The following ENPP4 variants were observed in gnomAD, a reference collection of about 807,000 sequenced individuals.
The protein encoded by ENPP4 is bis(5'-adenosyl)-triphosphatase ENPP4.
A neutral mutation model predicts 33.4 loss-of-function variants in ENPP4; 18 were observed. That is an observed-to-expected ratio of 0.54 (90% CI 0.37 to 0.80). The LOEUF is 0.80. Among genes scored for constraint, ENPP4 ranks in the 30% least tolerant of loss-of-function variants. The pLI is 0.00. For synonymous variants in ENPP4, 172 were observed against 189.9 expected, an observed-to-expected ratio of 0.91 and a Z score of 0.78; for missense variants, 480 against 541.7, an observed-to-expected ratio of 0.89 and a Z score of 1.13.
intron 1 of ENPP4, among the ~76,000 whole-genome samples, chr6:46,138,414 CTA>C (rs1387611993): frequency 2.0e-5 from 3 of 151,854 alleles, no homozygotes; most frequent in African/African-American, 7.2e-5. Context: ...AACTGTGTCA[CTA>C]TGAAAATTCA....
chr6:46,138,349 G>C (rs920518301), intron 1 of ENPP4, among the ~76,000 whole-genome samples: 1 of 151,818 alleles, frequency 6.6e-6, no homozygotes, highest in African/African-American at 2.4e-5. Flanking sequence ...AGGATCAGCT[G>C]CCTGTTTTGT....
chr6:46,137,014 G>A (rs1763986966), intron 1 of ENPP4, among the ~76,000 whole-genome samples: 1 of 151,878 alleles, frequency 6.6e-6, no homozygotes, highest in South Asian at 2.1e-4. Context: ...TACGAAGATA[G>A]AATTGACTAG....
At chr6:46,134,941 C>A (rs1763957068) in intron 1 of ENPP4, among the ~76,000 whole-genome samples, 1 of 151,896 alleles carries the variant, frequency 6.6e-6, no homozygotes, top group Non-Finnish European at 1.5e-5. Context: ...TAAATGGAAT[C>A]ATATAATAAG....
In ENPP4 at chr6:46,139,868, T is replaced by C. The variant is rs1039177925; in HGVS notation, c.285T>C (p.Asp95=). 2 of 1,612,670 alleles carry C rather than the reference T, an allele frequency of 1.2e-6. No individual in the cohort carries two copies. Among genetic ancestry groups the C allele is most frequent in the East Asian group, 2.2e-5 (1 of 44,874 alleles). ...GCATTGTGGCTAATTCCATGTATGA[T>C]GCAGTCACAAAGAAACACTTTTCTG... The part of the protein sequence containing the change: ...SHGIVANSMY[D]AVTKKHFSDS... The change falls in exon 2 of 4, where the codon GAT becomes GAC. Residue 95 remains aspartate, a synonymous_variant. Coordinates refer to ENST00000321037, the MANE Select transcript of ENPP4 (RefSeq NM_014936.5).
chr6:46,141,915 G>T (rs1045456361), intron 3 of ENPP4, among the ~76,000 whole-genome samples: 1 of 151,520 alleles, frequency 6.6e-6, no homozygotes, highest in Non-Finnish European at 1.5e-5. Flanking sequence ...GGGCCAGCTG[G>T]TCTCTGTCTC....
Position 46,143,801 on chromosome 6 carries a change from G to A in ENPP4, c.*161G>A. The A allele has an allele frequency of 8.4e-6, 6 of 714,554 alleles. No individual in the cohort carries two copies. The highest frequency in any genetic ancestry group is 1.3e-5 in the Non-Finnish European group (6 of 451,030). 44.3% of individuals were successfully genotyped at this position (714,554 alleles called of 1,614,324 possible). A position where few individuals can be genotyped will look rare whatever the true frequency, so the allele number is the denominator to read the frequency against. On this transcript the variant is annotated 3_prime_UTR_variant, in exon 4 of 4. Coordinates refer to ENST00000321037, the MANE Select transcript of ENPP4 (RefSeq NM_014936.5). ...TTTGTTTTCCTTGTGTTTTGTTTCG[G>A]TGCATTTGCTAATAAGATAACGCTG...
Position 46,144,863 on chromosome 6 carries a change from C to G in ENPP4, c.*1223C>G. 2.5e-6 allele frequency: 1 copy of G among 395,248 alleles called. No homozygotes were observed. 24.5% of individuals were successfully genotyped at this position (395,248 alleles called of 1,614,324 possible). On this transcript the variant is annotated 3_prime_UTR_variant, in exon 4 of 4. Transcript: ENST00000321037. Reference sequence around the variant, plus strand: ...GCCTTAGTGCTACCTCCACTTTTTTCTCCAGTATTTGCATCACAGAAATAA... The same window carrying G: ...GCCTTAGTGCTACCTCCACTTTTTTGTCCAGTATTTGCATCACAGAAATAA...
rs551594295 is a variant in ENPP4 at position 46,137,510 on chromosome 6, G to A, written c.-33-2041G>A. Among the ~76,000 whole-genome samples the A allele has an allele frequency of 6.6e-5, 10 of 151,932 alleles. No individual in the cohort carries two copies. In the East Asian group the frequency reaches 1.7e-3, roughly 26 times the overall value. ...TGAACCCAGTTAAAACTCTCTGAGGGAGGAGTTAAGTCATACATAAACACT... is the reference window on the plus strand; with the variant it reads ...TGAACCCAGTTAAAACTCTCTGAGGAAGGAGTTAAGTCATACATAAACACT... On this transcript the variant is annotated intron_variant, in intron 1 of 3. Coordinates refer to ENST00000321037, the MANE Select transcript of ENPP4 (RefSeq NM_014936.5).
chr6:46,142,352 A>ATGTATATTATATAT (rs1562061012), intron 3 of ENPP4, among the ~76,000 whole-genome samples: 2 of 81,896 alleles, frequency 2.4e-5, no homozygotes, highest in Non-Finnish European at 5.9e-5. Flanking sequence ...ATTATATGTA[A>ATGTATATTATATAT]TATATATAAT....
intron 1 of ENPP4, among the ~76,000 whole-genome samples, chr6:46,138,875 T>A (rs1764014155): frequency 6.6e-6 from 1 of 152,010 alleles, no homozygotes; most frequent in Non-Finnish European, 1.5e-5. Context: ...TTAAGAGGGA[T>A]GTGGTAATAA....
chr6:46,139,994 T>C lies in ENPP4; in HGVS notation c.411T>C (p.Pro137=). The C allele has an allele frequency of 6.2e-7, 1 of 1,612,878 alleles. No homozygotes were observed. The highest frequency in any genetic ancestry group is 2.2e-5 in the East Asian group (1 of 44,864). The change falls in exon 2 of 4, where the codon CCT becomes CCC. Residue 137 remains proline, a synonymous_variant. Coordinates refer to ENST00000321037, the MANE Select transcript of ENPP4 (RefSeq NM_014936.5). ...GATCAAGTGCTGCTGCTATGTGGCC[T>C]GGTACTGATGTACCCATTCACGATA... The part of the protein sequence containing the change: ...ENRSSAAAMW[P]GTDVPIHDTI...
At chr6:46,141,250 T>G in intron 3 of ENPP4, 28 bp downstream of exon 3, 1 of 1,551,718 alleles carries the variant, frequency 6.4e-7, no homozygotes, top group Non-Finnish European at 8.9e-7. Flanking sequence ...ATATTTCTGT[T>G]GTATCCTAGG....
chr6:46,137,303 C>G (rs1763991986), intron 1 of ENPP4, among the ~76,000 whole-genome samples: 1 of 151,850 alleles, frequency 6.6e-6, no homozygotes. Flanking sequence ...TGAGAAGATA[C>G]TGTGCCGCCG....
Position 46,141,096 on chromosome 6 carries a change from A to G in ENPP4, c.871A>G (p.Met291Val), listed in dbSNP as rs201266533. 1.1e-5 allele frequency: 17 copies of G among 1,607,248 alleles called. No individual in the cohort carries two copies. The East Asian group carries it at 2.0e-4, about 19-fold the overall frequency. The part of the protein sequence containing the change: ...YNKLKNCSPH[M>V]NVYLKEDIPN... ...CAAACTGAAAAACTGTAGCCCTCATATGAATGTTTATCTCAAAGAAGACAT... is the reference window on the plus strand; with the variant it reads ...CAAACTGAAAAACTGTAGCCCTCATGTGAATGTTTATCTCAAAGAAGACAT... Residue 291 changes from methionine (M) to valine (V), a missense_variant, in exon 3 of 4, where the codon ATG (methionine) becomes GTG (valine). Physicochemically the swap from Met to Val is conservative, Grantham distance 21. Coordinates refer to ENST00000321037, the MANE Select transcript of ENPP4 (RefSeq NM_014936.5).
chr6:46,143,482 A>T lies in ENPP4; in HGVS notation c.1204A>T (p.Ile402Phe), dbSNP rs1764098474. ...GTGCTTGTTAGTTGACCAGTGGTGCATTAATCTCCCAGAAGCCATCGCGAT... is the reference window on the plus strand; with the variant it reads ...GTGCTTGTTAGTTGACCAGTGGTGCTTTAATCTCCCAGAAGCCATCGCGAT... ...TKCLLVDQWC[I>F]NLPEAIAIVI... The change falls in exon 4 of 4, where the codon ATT becomes TTT. Residue 402 changes from isoleucine to phenylalanine, a missense_variant. Coordinates refer to ENST00000321037, the MANE Select transcript of ENPP4 (RefSeq NM_014936.5). 1 of 1,612,770 alleles carries T rather than the reference A, an allele frequency of 6.2e-7. No homozygotes were observed. Among genetic ancestry groups the T allele is most frequent in the Admixed American group, 1.7e-5 (1 of 59,900 alleles).
chr6:46,138,899 A>C (rs181283089), intron 1 of ENPP4, among the ~76,000 whole-genome samples: 2 of 151,876 alleles, frequency 1.3e-5, no homozygotes, highest in African/African-American at 4.8e-5. Context: ...TCATTTCAAT[A>C]GCTATTGGAT....
rs1050475445 is a variant in ENPP4 at position 46,141,158 on chromosome 6, T to G, written c.933T>G (p.Ile311Met). 6.2e-7 allele frequency: 1 copy of G among 1,609,588 alleles called. No homozygotes were observed. The highest frequency in any genetic ancestry group is 1.3e-5 in the African/African-American group (1 of 74,648). ...TTTATTACCAACATAATGATCGAAT[T>G]CAGCCCATTATTTTGGTTGCCGATG... ...NRFYYQHNDR[I>M]QPIILVADEG... The change falls in exon 3 of 4, where the codon ATT becomes ATG. Residue 311 changes from isoleucine to methionine, a missense_variant. Around this residue, in one of 3 missense-constraint regions of ENPP4, gnomAD observed 249 missense variants for 251.8 expected, o/e 0.99. Transcript: ENST00000321037.
chr6:46,141,270 T>A (rs1018885741), intron 3 of ENPP4, 48 bp downstream of exon 3: 5 of 1,324,868 alleles, frequency 3.8e-6, no homozygotes, highest in Admixed American at 3.6e-5. Flanking sequence ...GAACAAATCA[T>A]ACCTTGTGAT....
Position 46,139,757 on chromosome 6 carries a change from G to C in ENPP4, c.174G>C (p.Leu58Phe). The C allele has an allele frequency of 6.2e-7, 1 of 1,611,772 alleles. No homozygotes were observed. The highest frequency in any genetic ancestry group is 2.2e-5 in the East Asian group (1 of 44,846). The change falls in exon 2 of 4, where the codon TTG becomes TTC. Residue 58 changes from leucine (L) to phenylalanine (F), a missense_variant. This residue lies in a region of ENPP4 where 227 missense variants were observed against 273.7 expected (regional missense o/e 0.83). Transcript: ENST00000321037. ...AGAATTTTATCAAAGAAGGTGTTTT[G>C]GTAGAGCATGTTAAAAATGTTTTTA... ...HLQNFIKEGV[L>F]VEHVKNVFIT...
Sources: allele counts gnomAD v4.1 joint callset (sites outside exome capture counted in the v4.1 genomes callset), GRCh38; gene constraint gnomAD v4.1.1; regional missense constraint gnomAD v4.1.1; transcripts MANE v1.5; gene names NCBI Gene and HGNC (gene_info 2026-07-23, HGNC 2026-07-21).